The following USP25 variants were observed in gnomAD, a reference collection of about 807,000 sequenced individuals.
USP25 encodes the protein ubiquitin carboxyl-terminal hydrolase 25.
In USP25, 85 loss-of-function variants were observed where a neutral mutation model predicts 158.5. That is an observed-to-expected ratio of 0.54 (90% CI 0.45 to 0.64). The LOEUF is 0.64. Among genes scored for constraint, USP25 ranks in the 30% least tolerant of loss-of-function variants. The pLI is 0.00. For synonymous variants in USP25, 464 were observed against 460.4 expected (o/e 1.01, Z -0.10); for missense variants, 1,242 against 1,327.3 (o/e 0.94, Z 1.00).
At chr21:15,790,508 T>C (rs986774993) in intron 4 of USP25, among the ~76,000 whole-genome samples, 1 of 151,914 alleles carries the variant, frequency 6.6e-6, no homozygotes, top group African/African-American at 2.4e-5. Context: ...AGGATAAAAA[T>C]GGTGTGAAAT....
At chr21:15,752,786 AAT>A (rs1360416385) in intron 1 of USP25, among the ~76,000 whole-genome samples, 3 of 152,212 alleles carry the variant, frequency 2.0e-5, no homozygotes, top group Non-Finnish European at 2.9e-5. Flanking sequence ...TTTAAGCTTT[AAT>A]GGAAAGGGTA....
intron 1 of USP25, among the ~76,000 whole-genome samples, chr21:15,741,493 C>T (rs1478011416): frequency 6.6e-6 from 1 of 152,042 alleles, no homozygotes; most frequent in African/African-American, 2.4e-5. Flanking sequence ...ACATTTTTGC[C>T]AACACCTGGC....
intron 7 of USP25, 88 bp from the exon 8 acceptor site, chr21:15,808,721 C>G: frequency 1.1e-6 from 1 of 881,162 alleles, no homozygotes; most frequent in East Asian, 2.7e-5. Flanking sequence ...TTATATATTT[C>G]AACAACTGGC....
chr21:15,818,632 A>G (rs1287228685), intron 9 of USP25, 66 bp from the exon 10 acceptor site: 1 of 1,400,906 alleles, frequency 7.1e-7, no homozygotes, highest in Non-Finnish European at 9.8e-7. Flanking sequence ...GAGAATCCTT[A>G]CGTACTCTTA....
intron 4 of USP25, among the ~76,000 whole-genome samples, chr21:15,790,025 G>A (rs1335558882): frequency 6.6e-6 from 1 of 151,962 alleles, no homozygotes; most frequent in African/African-American, 2.4e-5. Context: ...AGGACCTCCT[G>A]GGTCTCCAAT....
Position 15,816,989 on chromosome 21 carries a change from G to A in USP25, c.932-1709G>A, listed in dbSNP as rs570209058. ...TCTACTGAAAATACAAAAATTAGTCGGGTGTGGTGGTGGGCGCCTGTAATC... is the reference window on the plus strand; with the variant it reads ...TCTACTGAAAATACAAAAATTAGTCAGGTGTGGTGGTGGGCGCCTGTAATC... On this transcript the variant is annotated intron_variant, in intron 9 of 25. Transcript: ENST00000400183. This position sits in a 1 kb window ranked among gnomAD's most constrained non-coding sequence, Gnocchi z 4.0. 4.0e-5 allele frequency among the ~76,000 whole-genome samples: 6 copies of A among 151,888 alleles called. No homozygotes were observed. Among genetic ancestry groups the A allele is most frequent in the East Asian group, 3.9e-4 (2 of 5,146 alleles).
chr21:15,850,195 A>G (rs1266475472), intron 20 of USP25, among the ~76,000 whole-genome samples: 1 of 152,114 alleles, frequency 6.6e-6, no homozygotes, highest in Non-Finnish European at 1.5e-5. Flanking sequence ...ATAAGAACTG[A>G]GTAAATTGCC....
intron 6 of USP25, among the ~76,000 whole-genome samples, chr21:15,804,879 G>A (rs956607114): frequency 6.6e-6 from 1 of 152,114 alleles, no homozygotes; most frequent in Non-Finnish European, 1.5e-5. Flanking sequence ...CTGTGAATAT[G>A]TGGCATTCAT....
Position 15,874,480 on chromosome 21 carries a change from G to A in USP25, c.2963G>A (p.Gly988Glu). The change falls in exon 24 of 26, where the codon GGA becomes GAA. Residue 988 changes from glycine to glutamate, a missense_variant. Coordinates refer to ENST00000400183, the MANE Select transcript of USP25 (RefSeq NM_001283041.3). ...KELLSKGLYR[G>E]HDEELISHYR... Reference sequence around the variant, plus strand: ...CTCTTGTCTAAAGGCTTATACAGAGGACATGATGAAGAATTGATATCACAT... The same window carrying A: ...CTCTTGTCTAAAGGCTTATACAGAGAACATGATGAAGAATTGATATCACAT... 1 of 1,610,938 alleles carries A rather than the reference G, an allele frequency of 6.2e-7. No individual in the cohort carries two copies. Among genetic ancestry groups the A allele is most frequent in the Non-Finnish European group, 8.5e-7 (1 of 1,178,670 alleles).
intron 20 of USP25, among the ~76,000 whole-genome samples, chr21:15,857,194 C>T (rs768732486): frequency 1.3e-5 from 2 of 152,148 alleles, no homozygotes; most frequent in African/African-American, 2.4e-5. Flanking sequence ...AGATAATTCA[C>T]GTGGAACTCT....
At chr21:15,864,764 A>G (rs1303136255) in intron 21 of USP25, among the ~76,000 whole-genome samples, 1 of 152,104 alleles carries the variant, frequency 6.6e-6, no homozygotes, top group Non-Finnish European at 1.5e-5. Context: ...AATTAGATAA[A>G]TCTTTGTTGT....
intron 19 of USP25, among the ~76,000 whole-genome samples, 183 bp from the exon 20 acceptor site, chr21:15,849,594 G>C (rs1022338132): frequency 6.6e-6 from 1 of 152,174 alleles, no homozygotes; most frequent in Non-Finnish European, 1.5e-5. Flanking sequence ...GGCTCCGTAT[G>C]AGCCAGCTGT....
chr21:15,756,561 C>G (rs2033391195), intron 1 of USP25, among the ~76,000 whole-genome samples: 1 of 152,058 alleles, frequency 6.6e-6, no homozygotes, highest in South Asian at 2.1e-4. Context: ...TAAAAATACC[C>G]AGCATTAAGT....
chr21:15,824,504 A>T (rs369085575), intron 11 of USP25, among the ~76,000 whole-genome samples: 1 of 150,130 alleles, frequency 6.7e-6, no homozygotes, highest in Non-Finnish European at 1.5e-5. Context: ...GTATCTATCT[A>T]TCTTTCTGTC....
intron 1 of USP25, among the ~76,000 whole-genome samples, chr21:15,743,082 T>G (rs1018448882): frequency 6.6e-6 from 1 of 152,324 alleles, no homozygotes; most frequent in African/African-American, 2.4e-5. Flanking sequence ...TTCCTGCCGC[T>G]CACAGCTCCC....
At position 15,845,794 on chromosome 21, in the gene USP25, A is replaced by G. The variant is rs116999387; in HGVS notation, c.2338-1869A>G. ...ATTTCACTCTTGTGTACAGAGACCTAGCACAGTTCGTCTCTTATATGCTAG... is the reference window on the plus strand; with the variant it reads ...ATTTCACTCTTGTGTACAGAGACCTGGCACAGTTCGTCTCTTATATGCTAG... On this transcript the variant is annotated intron_variant, in intron 18 of 25. Coordinates refer to ENST00000400183, the MANE Select transcript of USP25 (RefSeq NM_001283041.3). Among the ~76,000 whole-genome samples, 215 of 152,276 alleles carry G rather than the reference A, an allele frequency of 1.4e-3. 1 individual carries two copies. In the East Asian group the frequency reaches 0.023, roughly 16 times the overall value.
rs148513331 is a variant in USP25 at position 15,826,190 on chromosome 21, T to G, written c.1305-14T>G. The G allele has an allele frequency of 4.2e-4, 683 of 1,613,124 alleles. 7 individuals are homozygous for G. The African/African-American group carries it at 8.2e-3, about 19-fold the overall frequency. Reference sequence around the variant, plus strand: ...TATAGAAATAAAAGCATTTGTACATTTTATGATTAACAGATATTTAAGCTA... The same window carrying G: ...TATAGAAATAAAAGCATTTGTACATGTTATGATTAACAGATATTTAAGCTA... On this transcript the variant is annotated splice_polypyrimidine_tract_variant and intron_variant, in intron 12 of 25. Transcript: ENST00000400183. The surrounding 1 kb of genome is among the most constrained non-coding windows in gnomAD (Gnocchi z 4.8).
intron 1 of USP25, among the ~76,000 whole-genome samples, chr21:15,756,031 A>G (rs539803064): frequency 1.3e-5 from 2 of 152,288 alleles, no homozygotes; most frequent in South Asian, 2.1e-4. Context: ...ACTGCAAACA[A>G]AAGTTGTCTT....
At chr21:15,810,516 G>A (rs1319961424) in intron 8 of USP25, among the ~76,000 whole-genome samples, 1 of 151,938 alleles carries the variant, frequency 6.6e-6, no homozygotes, top group Non-Finnish European at 1.5e-5. Context: ...GCTCCAAGCA[G>A]AAAAGAAAAA....
Sources: gnomAD v4.1 joint callset for allele counts (sites outside exome capture counted in the v4.1 genomes callset) on GRCh38, gnomAD v4.1.1 for gene constraint, Gnocchi (gnomAD v3.1) non-coding constraint, MANE v1.5 for transcripts, NCBI Gene and HGNC (gene_info 2026-07-23, HGNC 2026-07-21) for gene names.